Variants in KANSL1 observed in about 807,000 individuals in gnomAD.
KANSL1 encodes the protein KAT8 regulatory NSL complex subunit 1, also known as MLL1/MLL complex subunit KANSL1.
KANSL1 carries 22 observed loss-of-function variants against 103.6 expected under a neutral mutation model. That is an observed-to-expected ratio of 0.21 (90% CI 0.15 to 0.30). The LOEUF is 0.30. Ranked by LOEUF, KANSL1 falls within the 10% of genes least tolerant of loss-of-function variation. The pLI is 1.00. For missense variants in KANSL1, 1,337 were observed against 1,399.8 expected (o/e 0.96, Z 0.72); for synonymous variants, 600 against 527.6 (o/e 1.14, Z -1.88).
intron 1 of KANSL1, among the ~76,000 whole-genome samples, chr17:46,176,781 T>C (rs2046540920): frequency 6.6e-6 from 1 of 151,876 alleles, no homozygotes; most frequent in African/African-American, 2.4e-5. Flanking sequence ...TCAAAGACAA[T>C]AGTTTATTTG....
chr17:46,219,581 G>A (rs1294987787), intron 1 of KANSL1, among the ~76,000 whole-genome samples: 7 of 152,226 alleles, frequency 4.6e-5, no homozygotes, highest in Non-Finnish European at 5.9e-5. Context: ...TGCCCAGGCT[G>A]TTCTCAAACT....
intron 6 of KANSL1, among the ~76,000 whole-genome samples, chr17:46,051,851 T>C (rs1362473092): frequency 1.3e-5 from 2 of 152,158 alleles, no homozygotes; most frequent in Non-Finnish European, 2.9e-5. Flanking sequence ...ATAAGAACAA[T>C]GTGGTCTTTA....
At chr17:46,099,346 A>C (rs1158190669) in intron 2 of KANSL1, among the ~76,000 whole-genome samples, 5 of 112,578 alleles carry the variant, frequency 4.4e-5, no homozygotes, top group Non-Finnish European at 1.2e-4. Context: ...AACAAAACAA[A>C]AAAAAAACAA....
At chr17:46,182,995 C>T (rs1210397061) in intron 1 of KANSL1, among the ~76,000 whole-genome samples, 1 of 152,204 alleles carries the variant, frequency 6.6e-6, no homozygotes, top group Non-Finnish European at 1.5e-5. Context: ...ACAGTAAGTA[C>T]ATACAAGGAT....
chr17:46,196,552 TAG>T (rs1338252778), upstream of KANSL1: 7 of 411,096 alleles, frequency 1.7e-5, no homozygotes, highest in African/African-American at 1.0e-4. Context: ...TCAAAGGGAA[TAG>T]AGAGTTGGTC....
intron 2 of KANSL1, among the ~76,000 whole-genome samples, chr17:46,104,659 T>C (rs1315444126): frequency 6.6e-6 from 1 of 152,210 alleles, no homozygotes; most frequent in Non-Finnish European, 1.5e-5. Context: ...CTCAAATGTT[T>C]ATATTTTAAA....
intron 2 of KANSL1, among the ~76,000 whole-genome samples, chr17:46,121,887 A>G (rs1275234888): frequency 3.3e-5 from 5 of 152,212 alleles, no homozygotes; most frequent in African/African-American, 7.2e-5. Flanking sequence ...AGCTGGGCCT[A>G]CCTTAACGTG....
At chr17:46,103,958 G>A (rs2042425364) in intron 2 of KANSL1, among the ~76,000 whole-genome samples, 1 of 152,222 alleles carries the variant, frequency 6.6e-6, no homozygotes, top group Non-Finnish European at 1.5e-5. Flanking sequence ...AACCCAGGAG[G>A]CAGAGGTTGC....
At chr17:46,052,963 CCAAAAAAAAAAAAAAAAAAAAA>C (rs2077774894) in intron 6 of KANSL1, among the ~76,000 whole-genome samples, 2 of 43,140 alleles carry the variant, frequency 4.6e-5, no homozygotes, top group African/African-American at 2.0e-4. Flanking sequence ...GATCCTGTCT[CCAAAAAAAAAAAAAAAAAAAAA>C]AAAAAAAAAA....
chr17:46,039,575 G>A, intron 8 of KANSL1, 127 bp downstream of exon 8: 1 of 1,009,258 alleles, frequency 9.9e-7, no homozygotes, highest in South Asian at 1.6e-5. Context: ...GTCACTGTGA[G>A]CTGAATTTTT....
chr17:46,118,958 T>C (rs2043159879), intron 2 of KANSL1, among the ~76,000 whole-genome samples: 1 of 152,216 alleles, frequency 6.6e-6, no homozygotes, highest in Non-Finnish European at 1.5e-5. Context: ...ATGGATAAAA[T>C]AACAGGGGTA....
chr17:46,047,291 T>C (rs971352823), intron 7 of KANSL1, among the ~76,000 whole-genome samples: 2 of 152,232 alleles, frequency 1.3e-5, no homozygotes, highest in Non-Finnish European at 2.9e-5. Flanking sequence ...CAACTGTCAA[T>C]TAGAAGGATT....
chr17:46,206,936 T>G (rs1375352586), intron 1 of KANSL1, among the ~76,000 whole-genome samples: 1 of 152,012 alleles, frequency 6.6e-6, no homozygotes, highest in Non-Finnish European at 1.5e-5. Context: ...GATTTGTATC[T>G]AGTATATTTA....
At chr17:46,113,760 T>C (rs2042924203) in intron 2 of KANSL1, among the ~76,000 whole-genome samples, 1 of 152,160 alleles carries the variant, frequency 6.6e-6, no homozygotes, top group African/African-American at 2.4e-5. Flanking sequence ...GTACAGTCCT[T>C]ATAGGTAGAC....
chr17:46,144,649 A>G (rs1250817825), intron 2 of KANSL1, among the ~76,000 whole-genome samples: 1 of 151,952 alleles, frequency 6.6e-6, no homozygotes, highest in Non-Finnish European at 1.5e-5. Context: ...CCCTTCACCA[A>G]AAAGATTATA....
At chr17:46,156,449 G>C (rs2045432621) in intron 2 of KANSL1, among the ~76,000 whole-genome samples, 1 of 152,152 alleles carries the variant, frequency 6.6e-6, no homozygotes, top group Admixed American at 6.5e-5. Flanking sequence ...CCTAACCCTA[G>C]ATCCATCTCT....
chr17:46,209,821 G>A (rs979028798), intron 1 of KANSL1, among the ~76,000 whole-genome samples: 3 of 152,186 alleles, frequency 2.0e-5, no homozygotes, highest in Admixed American at 6.5e-5. Context: ...AGGCATTTAA[G>A]TATAAATTAT....
At chr17:46,218,065 A>G (rs2048396676) in intron 1 of KANSL1, among the ~76,000 whole-genome samples, 1 of 152,200 alleles carries the variant, frequency 6.6e-6, no homozygotes, top group Non-Finnish European at 1.5e-5. Flanking sequence ...ACTCTACATA[A>G]GGACTGGAGT....
chr17:46,039,855 T>A lies in KANSL1; in HGVS notation c.2050A>T (p.Met684Leu). The A allele has an allele frequency of 6.2e-7, 1 of 1,614,266 alleles. No homozygotes were observed. The highest frequency in any genetic ancestry group is 8.5e-7 in the Non-Finnish European group (1 of 1,180,042). ...DVPTSLHFQS[M>L]LKSQWQNKPF... ...TTGTTCTGCCACTGAGATTTCAGCATGCTCTGGAAATGCAGGCTTGTGGGA... is the reference window on the plus strand; with the variant it reads ...TTGTTCTGCCACTGAGATTTCAGCAAGCTCTGGAAATGCAGGCTTGTGGGA... The change falls in exon 8 of 15, where the codon ATG becomes TTG. Residue 684 changes from methionine (M) to leucine (L), a missense_variant. By Grantham distance (15) the Met-to-Leu change is conservative. This residue lies in a region of KANSL1 where 780 missense variants were observed against 923.4 expected (regional missense o/e 0.84). Transcript: ENST00000432791.
Sources: allele counts gnomAD v4.1 joint callset (sites outside exome capture counted in the v4.1 genomes callset), GRCh38; gene constraint gnomAD v4.1.1; regional missense constraint gnomAD v4.1.1; transcripts MANE v1.5; gene names NCBI Gene and HGNC (gene_info 2026-07-23, HGNC 2026-07-21).